The following OXCT1 variants were observed in gnomAD, a reference collection of about 807,000 sequenced individuals.
The protein encoded by OXCT1 is succinyl-CoA:3-ketoacid coenzyme A transferase 1, mitochondrial.
In OXCT1, 27 loss-of-function variants were observed where a neutral mutation model predicts 69.6. The ratio of observed to expected loss-of-function variants is 0.39; its 90% CI spans 0.29 to 0.54. OXCT1 has a LOEUF of 0.54. Ranked by LOEUF, OXCT1 falls within the 20% of genes least tolerant of loss-of-function variation. The probability of loss-of-function intolerance (pLI) is 0.72; values close to 1 mark genes in which losing one functional copy is unlikely to be tolerated. For synonymous variants in OXCT1, 202 were observed against 217.8 expected (o/e 0.93, Z 0.64); for missense variants, 437 against 650.2 (o/e 0.67, Z 3.57).
chr5:41,818,950 G>A (rs925996296), intron 7 of OXCT1, among the ~76,000 whole-genome samples: 4 of 150,814 alleles, frequency 2.7e-5, no homozygotes, highest in Non-Finnish European at 5.9e-5. Context: ...AAGAAAAAAA[G>A]CAACTAATTT....
At chr5:41,739,084 A>C (rs973848833) in intron 16 of OXCT1, among the ~76,000 whole-genome samples, 7 of 152,238 alleles carry the variant, frequency 4.6e-5, no homozygotes, top group African/African-American at 1.7e-4. Context: ...ACCAAAGAAC[A>C]GGGGATTACA....
At chr5:41,864,245 C>A (rs1749864798) in intron 1 of OXCT1, among the ~76,000 whole-genome samples, 1 of 152,144 alleles carries the variant, frequency 6.6e-6, no homozygotes, top group South Asian at 2.1e-4. Context: ...GAAAGAATAA[C>A]ATCTGAATCC....
chr5:41,807,484 G>A (rs763775909), intron 7 of OXCT1, 46 bp from the exon 8 acceptor site: 5 of 1,116,182 alleles, frequency 4.5e-6, no homozygotes, highest in Non-Finnish European at 5.5e-6. Context: ...AGCTTAAAGT[G>A]AACATTTTTA....
intron 1 of OXCT1, among the ~76,000 whole-genome samples, chr5:41,867,125 T>A (rs1223779505): frequency 6.6e-5 from 10 of 151,768 alleles, no homozygotes; most frequent in Non-Finnish European, 1.2e-4. Flanking sequence ...ACAAGTAGTA[T>A]TTGGTTACAT....
intron 3 of OXCT1, 25 bp from the exon 4 acceptor site, chr5:41,853,579 A>G: frequency 1.9e-6 from 3 of 1,612,254 alleles, no homozygotes; most frequent in Non-Finnish European, 2.5e-6. Context: ...AAGGGAGCTT[A>G]CCAAAGAGCA....
At chr5:41,785,137 C>T (rs1745583600) in intron 13 of OXCT1, among the ~76,000 whole-genome samples, 1 of 152,096 alleles carries the variant, frequency 6.6e-6, no homozygotes, top group Non-Finnish European at 1.5e-5. Context: ...AAAATGCATG[C>T]CCATTTGTTA....
chr5:41,802,303 T>G (rs1484879467), intron 10 of OXCT1, among the ~76,000 whole-genome samples: 1 of 152,104 alleles, frequency 6.6e-6, no homozygotes, highest in East Asian at 1.9e-4. Flanking sequence ...GCATTAACAG[T>G]TATTATCTAC....
At chr5:41,800,999 G>T in intron 11 of OXCT1, 23 bp downstream of exon 11, 1 of 1,601,148 alleles carries the variant, frequency 6.2e-7, no homozygotes, top group South Asian at 1.1e-5. Flanking sequence ...GCAAAGGGAA[G>T]GGCTAGAAAT....
chr5:41,848,847 G>A (rs576563224), intron 5 of OXCT1, among the ~76,000 whole-genome samples: 75 of 152,176 alleles, frequency 4.9e-4, no homozygotes, highest in African/African-American at 1.7e-3. Flanking sequence ...GAAAACCTAG[G>A]CATTACCATT....
At chr5:41,778,588 C>T (rs1745238176) in intron 13 of OXCT1, among the ~76,000 whole-genome samples, 1 of 152,232 alleles carries the variant, frequency 6.6e-6, no homozygotes, top group Non-Finnish European at 1.5e-5. Flanking sequence ...ACTGCTCTAT[C>T]TGGACCTTAA....
intron 8 of OXCT1, 27 bp downstream of exon 8, chr5:41,807,304 T>C (rs1746728973): frequency 3.4e-6 from 4 of 1,187,540 alleles, no homozygotes; most frequent in Non-Finnish European, 5.1e-6. Context: ...GATCCATGAA[T>C]ACTGACAAAG....
In OXCT1 at chr5:41,870,373, G is replaced by A. The variant is rs928136244; in HGVS notation, c.-15C>T. 11 of 1,605,994 alleles carry A rather than the reference G, an allele frequency of 6.8e-6. No individual in the cohort carries two copies. The highest frequency in any genetic ancestry group is 1.7e-5 in the Admixed American group (1 of 59,960). ...AGAGCCGCCATCTTCGGGCGGTGAG[G>A]CAGGAGGAGGCTGCGGGTTGGAGCG... On this transcript the variant is annotated 5_prime_UTR_variant, in exon 1 of 17. Coordinates refer to ENST00000196371, the MANE Select transcript of OXCT1 (RefSeq NM_000436.4). The surrounding 1 kb of genome is among the most constrained non-coding windows in gnomAD (Gnocchi z 4.2).
chr5:41,823,057 C>A (rs1012078928), intron 7 of OXCT1, among the ~76,000 whole-genome samples: 12 of 152,234 alleles, frequency 7.9e-5, no homozygotes, highest in African/African-American at 2.9e-4. Flanking sequence ...TCATACAATT[C>A]TTTTTCTGCT....
intron 11 of OXCT1, among the ~76,000 whole-genome samples, chr5:41,796,594 A>C (rs1746195286): frequency 1.3e-5 from 2 of 152,200 alleles, no homozygotes; most frequent in Admixed American, 1.3e-4. Context: ...GAGTAAGCTT[A>C]TTTATAAATA....
chr5:41,802,281 A>G (rs909207605), intron 10 of OXCT1, among the ~76,000 whole-genome samples: 12 of 152,118 alleles, frequency 7.9e-5, no homozygotes, highest in African/African-American at 2.9e-4. Context: ...TTCCATATGC[A>G]TAATTTCTAT....
chr5:41,798,780 A>G (rs548147283), intron 11 of OXCT1, among the ~76,000 whole-genome samples: 1 of 152,356 alleles, frequency 6.6e-6, no homozygotes, highest in East Asian at 1.9e-4. Context: ...GTTAGAGCCC[A>G]GATCTTGATG....
chr5:41,738,047 T>G (rs994329430), intron 16 of OXCT1, among the ~76,000 whole-genome samples: 5 of 151,848 alleles, frequency 3.3e-5, no homozygotes, highest in Non-Finnish European at 5.9e-5. Context: ...AGAACAAGAC[T>G]CCGTCTTAAA....
chr5:41,755,179 A>G (rs1327720205), intron 14 of OXCT1, among the ~76,000 whole-genome samples: 1 of 152,040 alleles, frequency 6.6e-6, no homozygotes, highest in Non-Finnish European at 1.5e-5. Flanking sequence ...GTGCACATAA[A>G]TGCAAAGCTA....
chr5:41,809,009 C>T (rs1746828416), intron 7 of OXCT1, among the ~76,000 whole-genome samples: 1 of 151,896 alleles, frequency 6.6e-6, no homozygotes, highest in South Asian at 2.1e-4. Context: ...TTAATGTCAG[C>T]AATAGGGAAA....
Sources: allele counts gnomAD v4.1 joint callset (sites outside exome capture counted in the v4.1 genomes callset), GRCh38; gene constraint gnomAD v4.1.1; non-coding constraint Gnocchi (gnomAD v3.1); transcripts MANE v1.5; gene names NCBI Gene and HGNC (gene_info 2026-07-23, HGNC 2026-07-21).